Variants in ZBTB24 observed in about 807,000 individuals in gnomAD.
ZBTB24 encodes the protein zinc finger and BTB domain containing 24.
A neutral mutation model predicts 53.8 loss-of-function variants in ZBTB24; 32 were observed. The observed-to-expected ratio is 0.60, with a 90% CI of 0.45 to 0.80. The LOEUF (loss-of-function observed/expected upper bound fraction) is 0.80. Ranked by LOEUF, ZBTB24 falls within the 30% of genes least tolerant of loss-of-function variation. ZBTB24 has a pLI of 0.00. For missense variants in ZBTB24, 722 were observed against 837.1 expected, an observed-to-expected ratio of 0.86 and a Z score of 1.70; for synonymous variants, 297 against 306.7, an observed-to-expected ratio of 0.97 and a Z score of 0.33.
At chr6:109,474,192 T>C (rs1478376626) in intron 5 of ZBTB24, among the ~76,000 whole-genome samples, 2 of 152,154 alleles carry the variant, frequency 1.3e-5, no homozygotes, top group Non-Finnish European at 2.9e-5. Context: ...AAGTTTTTCT[T>C]AGAAAACTGA....
rs1775965576 is a variant in ZBTB24 at position 109,463,788 on chromosome 6, T to C, written c.*2063A>G. The C allele has an allele frequency of 6.6e-6, 1 of 152,230 alleles. No individual in the cohort carries two copies. Among genetic ancestry groups the C allele is most frequent in the African/African-American group, 2.4e-5 (1 of 41,462 alleles). The allele number at this position is 152,230 out of a possible 1,614,324, so 9.4% of individuals were successfully genotyped here. A position where few individuals can be genotyped will look rare whatever the true frequency, so the allele number is the denominator to read the frequency against. On this transcript the variant is annotated 3_prime_UTR_variant, in exon 7 of 7. Coordinates refer to ENST00000230122, the MANE Select transcript of ZBTB24 (RefSeq NM_014797.3). The stretch of plus-strand genomic sequence containing the variant: ...AATATATTTTTATATGTTGAAATAT[T>C]TGGCAAATGTTGGATTAAATAAACT...
chr6:109,475,508 C>T, intron 4 of ZBTB24, 26 bp from the exon 5 acceptor site: 1 of 1,611,870 alleles, frequency 6.2e-7, no homozygotes, highest in East Asian at 2.2e-5. Flanking sequence ...AAAAAAGTGT[C>T]AGTGCATACA....
At chr6:109,480,843 C>T in intron 2 of ZBTB24, 8 of 726,266 alleles carry the variant, frequency 1.1e-5, no homozygotes, top group Non-Finnish European at 1.3e-5. Context: ...GTAAACTATG[C>T]ACTTTAGCAA....
At chr6:109,473,107 A>G (rs909419354) in intron 5 of ZBTB24, among the ~76,000 whole-genome samples, 1 of 152,186 alleles carries the variant, frequency 6.6e-6, no homozygotes, top group Non-Finnish European at 1.5e-5. Flanking sequence ...TGTGGCCTTC[A>G]AAGTACTTCA....
intron 2 of ZBTB24, 51 bp downstream of exon 2, chr6:109,481,024 A>C: frequency 6.2e-7 from 1 of 1,603,848 alleles, no homozygotes; most frequent in Non-Finnish European, 8.5e-7. Context: ...TATTATCATC[A>C]CTACTCCCAA....
intron 1 of ZBTB24, 88 bp from the exon 2 acceptor site, chr6:109,482,142 T>A: frequency 1.1e-6 from 1 of 948,784 alleles, no homozygotes; most frequent in Non-Finnish European, 1.7e-6. Flanking sequence ...TCACTTCACA[T>A]CATTAACTGA....
At chr6:109,474,315 T>C (rs1372603150) in intron 5 of ZBTB24, among the ~76,000 whole-genome samples, 2 of 152,224 alleles carry the variant, frequency 1.3e-5, no homozygotes, top group Non-Finnish European at 2.9e-5. Flanking sequence ...TCGTCATCTC[T>C]GAAACTGATT....
chr6:109,465,440 C>A lies in ZBTB24; in HGVS notation c.*411G>T. 1.8e-6 allele frequency: 1 copy of A among 566,166 alleles called. No individual in the cohort carries two copies. Among genetic ancestry groups the A allele is most frequent in the South Asian group, 2.4e-5 (1 of 41,042 alleles). The allele number at this position is 566,166 out of a possible 1,614,324, so 35.1% of individuals were successfully genotyped here. A position where few individuals can be genotyped will look rare whatever the true frequency, so the allele number is the denominator to read the frequency against. On this transcript the variant is annotated 3_prime_UTR_variant, in exon 7 of 7. Transcript: ENST00000230122. ...AAGAAAAATAAGAAAATAGAACAAA[C>A]CATTCTGCCCAGTTCAACCAAAATG...
chr6:109,466,165 G>C lies in ZBTB24; in HGVS notation c.1780C>G (p.Leu594Val). Residue 594 changes from leucine (L) to valine (V), a missense_variant, in exon 7 of 7, where the codon CTG (leucine) becomes GTG (valine). Coordinates refer to ENST00000230122, the MANE Select transcript of ZBTB24 (RefSeq NM_014797.3). ...AGTTGCTCTGGCTGCTGCGTGAGCAGGGTAAGATTAGCAGCCTGGTCTGCA... is the reference window on the plus strand; with the variant it reads ...AGTTGCTCTGGCTGCTGCGTGAGCACGGTAAGATTAGCAGCCTGGTCTGCA... ...MTADQAANLTLLTQQPEQLQN... is the reference protein window; with the variant it reads ...MTADQAANLTVLTQQPEQLQN... The C allele has an allele frequency of 1.2e-6, 2 of 1,614,256 alleles. No homozygotes were observed. The highest frequency in any genetic ancestry group is 1.7e-6 in the Non-Finnish European group (2 of 1,180,046).
rs984469100 is a variant in ZBTB24, at chr6:109,464,370, G to C, written c.*1481C>G. On this transcript the variant is annotated 3_prime_UTR_variant, in exon 7 of 7. Coordinates refer to ENST00000230122, the MANE Select transcript of ZBTB24 (RefSeq NM_014797.3). Reference sequence around the variant, plus strand: ...CTTATTTGATTTAGGGAGAAATCAAGGATGTCTAAAACAAAACAATTGATG... The same window carrying C: ...CTTATTTGATTTAGGGAGAAATCAACGATGTCTAAAACAAAACAATTGATG... 2 of 152,080 alleles carry C rather than the reference G, an allele frequency of 1.3e-5. No individual in the cohort carries two copies. The highest frequency in any genetic ancestry group is 4.8e-5 in the African/African-American group (2 of 41,400). The allele number at this position is 152,080 out of a possible 1,614,324, so 9.4% of individuals were successfully genotyped here. A position where few individuals can be genotyped will look rare whatever the true frequency, so the allele number is the denominator to read the frequency against.
chr6:109,466,949 G>A (rs994618753), intron 6 of ZBTB24, among the ~76,000 whole-genome samples: 2 of 152,096 alleles, frequency 1.3e-5, no homozygotes, highest in African/African-American at 4.8e-5. Flanking sequence ...GGCCCAATAA[G>A]TATCTATGAT....
At position 109,475,495 on chromosome 6, in the gene ZBTB24, A is replaced by AT. The variant is rs769813353; in HGVS notation, c.1205-14dup. The AT allele has an allele frequency of 1.2e-5, 19 of 1,614,056 alleles. No individual in the cohort carries two copies. In the African/African-American group the frequency reaches 2.0e-4, roughly 17 times the overall value. ...GGTAATGAGTGGCCTTGTCGCAACA[A>AT]TAAAAAAAGTGTCAGTGCATACATG... is the stretch of plus-strand genomic sequence containing the variant. On this transcript the variant is annotated splice_polypyrimidine_tract_variant and intron_variant, in intron 4 of 6. Transcript: ENST00000230122.
rs766852355 is a variant in ZBTB24 at position 109,482,069 on chromosome 6, C to A, written c.-28-15G>T. On this transcript the variant is annotated splice_polypyrimidine_tract_variant and intron_variant, in intron 1 of 6. Coordinates refer to ENST00000230122, the MANE Select transcript of ZBTB24 (RefSeq NM_014797.3). Reference sequence around the variant, plus strand: ...AAGGGTTAAATCTGAAATAAGAAAACAAGGTTTAAAAAGGAGAAAGCACTG... The same window carrying A: ...AAGGGTTAAATCTGAAATAAGAAAAAAAGGTTTAAAAAGGAGAAAGCACTG... 6.3e-7 allele frequency: 1 copy of A among 1,584,124 alleles called. No individual in the cohort carries two copies. The highest frequency in any genetic ancestry group is 8.7e-7 in the Non-Finnish European group (1 of 1,154,184).
At position 109,465,187 on chromosome 6, in the gene ZBTB24, A is replaced by G. The variant is rs1776003386; in HGVS notation, c.*664T>C. On this transcript the variant is annotated 3_prime_UTR_variant, in exon 7 of 7. Transcript: ENST00000230122. ...CGAATTCAGAATTTTAAGAAATCCT[A>G]TGCTTTTGGCTATCTTGTTACATGA... 1 of 153,130 alleles carries G rather than the reference A, an allele frequency of 6.5e-6. No individual in the cohort carries two copies. The highest frequency in any genetic ancestry group is 2.1e-4 in the South Asian group (1 of 4,850). 9.5% of individuals were successfully genotyped at this position (153,130 alleles called of 1,614,324 possible).
intron 3 of ZBTB24, 28 bp downstream of exon 3, chr6:109,476,735 A>C (rs756143334): frequency 6.2e-7 from 1 of 1,608,522 alleles, no homozygotes; most frequent in South Asian, 1.1e-5. Flanking sequence ...AATCTGGTGA[A>C]GCTGGCCCTC....
rs1480573935 is a variant in ZBTB24 at position 109,464,921 on chromosome 6, A to T, written c.*930T>A. On this transcript the variant is annotated 3_prime_UTR_variant, in exon 7 of 7. Transcript: ENST00000230122. ...GTTATCAGACACAACACGTAGATCA[A>T]CATTTTCAGGAGATCAGTTAGAATT... 6.6e-6 allele frequency: 1 copy of T among 152,248 alleles called. No individual in the cohort carries two copies. Among genetic ancestry groups the T allele is most frequent in the Non-Finnish European group, 1.5e-5 (1 of 68,042 alleles). 9.4% of individuals were successfully genotyped at this position (152,248 alleles called of 1,614,324 possible). A position where few individuals can be genotyped will look rare whatever the true frequency, so the allele number is the denominator to read the frequency against.
chr6:109,473,734 A>T (rs1023799517), intron 5 of ZBTB24, among the ~76,000 whole-genome samples: 1 of 152,214 alleles, frequency 6.6e-6, no homozygotes, highest in Non-Finnish European at 1.5e-5. Flanking sequence ...CATGTGTTAA[A>T]ATCCATATCC....
rs1776005423 is a variant in ZBTB24 at position 109,465,278 on chromosome 6, C to T, written c.*573G>A. The stretch of plus-strand genomic sequence containing the variant: ...CTGAAGTGTTAACACAATAAGCCCA[C>T]TGTACTGCATAAAGATAAAACGTTG... On this transcript the variant is annotated 3_prime_UTR_variant, in exon 7 of 7. Transcript: ENST00000230122. The T allele has an allele frequency of 9.7e-6, 2 of 206,140 alleles. No individual in the cohort carries two copies. Among genetic ancestry groups the T allele is most frequent in the Admixed American group, 1.0e-4 (2 of 19,202 alleles). 12.8% of individuals were successfully genotyped at this position (206,140 alleles called of 1,614,324 possible).
rs781000149 is a variant in ZBTB24, at chr6:109,467,628, G to A, written c.1370+25C>T. 34 of 1,613,902 alleles carry A rather than the reference G, an allele frequency of 2.1e-5. No homozygotes were observed. The East Asian group carries it at 3.3e-4, about 16-fold the overall frequency. ...GCAGAACTGAATGAGGCCTCCATGC[G>A]AGAAAAATATCTGCAAAACTTTACC... On this transcript the variant is annotated intron_variant, in intron 6 of 6. Coordinates refer to ENST00000230122, the MANE Select transcript of ZBTB24 (RefSeq NM_014797.3).
Sources: gnomAD v4.1 joint callset for allele counts (sites outside exome capture counted in the v4.1 genomes callset) on GRCh38, gnomAD v4.1.1 for gene constraint, MANE v1.5 for transcripts, NCBI Gene and HGNC (gene_info 2026-07-23, HGNC 2026-07-21) for gene names.